The following GALNT13 variants were observed in gnomAD, a reference collection of about 807,000 sequenced individuals.
GALNT13 encodes the protein polypeptide N-acetylgalactosaminyltransferase 13, also known as UDP-GalNAc:polypeptide N-acetylgalactosaminyltransferase 13.
Under a neutral mutation model 64.2 loss-of-function variants are expected in GALNT13, and 28 were observed. That is an observed-to-expected ratio of 0.44 (90% CI 0.32 to 0.60). GALNT13 has a LOEUF of 0.60. GALNT13 is among the 20% of genes least tolerant of loss of function. The pLI is 0.05. For synonymous variants in GALNT13, 214 were observed against 224.6 expected, an observed-to-expected ratio of 0.95 and a Z score of 0.42; for missense variants, 577 against 669.8, an observed-to-expected ratio of 0.86 and a Z score of 1.53.
At chr2:153,324,528 A>T in the GALNT13 span, among the ~76,000 whole-genome samples, 4 of 152,104 alleles carry the variant, frequency 2.6e-5, no homozygotes, top group Non-Finnish European at 5.9e-5. Context: ...TTCCAATACT[A>T]TGTTGAATAG....
chr2:153,769,964 T>C, the GALNT13 span, among the ~76,000 whole-genome samples: 2 of 152,224 alleles, frequency 1.3e-5, no homozygotes, highest in Non-Finnish European at 2.9e-5. Context: ...CTTTATATTC[T>C]GAATTGCTAT....
the GALNT13 span, among the ~76,000 whole-genome samples, chr2:153,303,781 GA>G: frequency 6.6e-6 from 1 of 151,988 alleles, no homozygotes; most frequent in African/African-American, 2.4e-5. Flanking sequence ...ATTTTGTCAA[GA>G]TTTTTTTTGG....
At chr2:153,402,744 TCA>T in the GALNT13 span, among the ~76,000 whole-genome samples, 5 of 152,200 alleles carry the variant, frequency 3.3e-5, no homozygotes, top group Non-Finnish European at 7.3e-5. Flanking sequence ...TCTGCATTCT[TCA>T]CGTAGTTCTC....
At chr2:154,000,797 T>C (rs1267704442) in intron 3 of GALNT13, among the ~76,000 whole-genome samples, 1 of 152,034 alleles carries the variant, frequency 6.6e-6, no homozygotes, top group African/African-American at 2.4e-5. Context: ...TAAATGTCTG[T>C]TAAGTCAATT....
At chr2:153,079,146 A>G in the GALNT13 span, among the ~76,000 whole-genome samples, 1 of 152,116 alleles carries the variant, frequency 6.6e-6, no homozygotes, top group Non-Finnish European at 1.5e-5. Context: ...TCCCAAGTGG[A>G]GGGGCATGGA....
At chr2:154,306,626 G>GGC (rs1553512850) in intron 9 of GALNT13, among the ~76,000 whole-genome samples, 7 of 148,500 alleles carry the variant, frequency 4.7e-5, no homozygotes, top group African/African-American at 9.9e-5. Flanking sequence ...GGTGGGGGGG[G>GGC]GGTCAAGAAA....
At chr2:153,644,738 A>G in the GALNT13 span, among the ~76,000 whole-genome samples, 1 of 152,060 alleles carries the variant, frequency 6.6e-6, no homozygotes, top group African/African-American at 2.4e-5. Context: ...TTGGAATTCC[A>G]ACCACTTATA....
chr2:153,544,490 T>C, the GALNT13 span, among the ~76,000 whole-genome samples: 1 of 152,218 alleles, frequency 6.6e-6, no homozygotes, highest in African/African-American at 2.4e-5. Context: ...CTTGAATACT[T>C]GAACACATGT....
chr2:153,915,659 G>C (rs1313567316), intron 2 of GALNT13, among the ~76,000 whole-genome samples: 3 of 151,242 alleles, frequency 2.0e-5, no homozygotes, highest in Non-Finnish European at 4.4e-5. Flanking sequence ...TGAAATTATA[G>C]CTCCTAGATC....
chr2:153,357,642 A>C, the GALNT13 span, among the ~76,000 whole-genome samples: 1 of 152,132 alleles, frequency 6.6e-6, no homozygotes, highest in Admixed American at 6.6e-5. Flanking sequence ...ATAAATATTG[A>C]AATAAGGGTA....
the GALNT13 span, among the ~76,000 whole-genome samples, chr2:153,092,029 A>T: frequency 6.6e-6 from 1 of 152,158 alleles, no homozygotes; most frequent in Non-Finnish European, 1.5e-5. Context: ...ACATAGTGAG[A>T]GATAGAGGTC....
At chr2:153,309,942 A>T in the GALNT13 span, among the ~76,000 whole-genome samples, 2 of 152,150 alleles carry the variant, frequency 1.3e-5, no homozygotes, top group Non-Finnish European at 2.9e-5. Flanking sequence ...TATCAAAAAA[A>T]ACTTTCCAAA....
the GALNT13 span, among the ~76,000 whole-genome samples, chr2:153,082,370 A>G: frequency 1.3e-5 from 2 of 151,428 alleles, no homozygotes; most frequent in African/African-American, 2.4e-5. Context: ...TTGCATCTTC[A>G]TAGCTTGGCC....
At chr2:154,133,114 A>C (rs1379130785) in intron 3 of GALNT13, among the ~76,000 whole-genome samples, 3 of 152,172 alleles carry the variant, frequency 2.0e-5, no homozygotes, top group Non-Finnish European at 4.4e-5. Context: ...AAATTATTTA[A>C]ATATCTTATT....
chr2:153,110,512 C>G, the GALNT13 span, among the ~76,000 whole-genome samples: 1 of 152,190 alleles, frequency 6.6e-6, no homozygotes, highest in East Asian at 1.9e-4. Context: ...AACCTCAGTT[C>G]GTGCCCTAAG....
chr2:154,132,891 T>G (rs1682705858), intron 3 of GALNT13, among the ~76,000 whole-genome samples: 1 of 77,700 alleles, frequency 1.3e-5, no homozygotes, highest in African/African-American at 4.9e-5. Flanking sequence ...CAAGACTCTG[T>G]CTCAAAAAAA....
chr2:153,868,938 T>A (rs1454332322), upstream of GALNT13, among the ~76,000 whole-genome samples: 1 of 152,242 alleles, frequency 6.6e-6, no homozygotes, highest in Non-Finnish European at 1.5e-5. Context: ...TTGTGGTTAT[T>A]ATTCTTATGA....
At chr2:153,351,440 A>G in the GALNT13 span, among the ~76,000 whole-genome samples, 1 of 152,170 alleles carries the variant, frequency 6.6e-6, no homozygotes. Flanking sequence ...TATATTTGTT[A>G]TAACTGAGGA....
chr2:153,557,306 T>G, the GALNT13 span, among the ~76,000 whole-genome samples: 1 of 152,210 alleles, frequency 6.6e-6, no homozygotes, highest in Non-Finnish European at 1.5e-5. Context: ...CTATGCCATC[T>G]AAGTTTGTGT....
Sources: gnomAD v4.1 joint callset for allele counts (sites outside exome capture counted in the v4.1 genomes callset) on GRCh38, gnomAD v4.1.1 for gene constraint, MANE v1.5 for transcripts, NCBI Gene and HGNC (gene_info 2026-07-23, HGNC 2026-07-21) for gene names.